UBE3C: variants seen among roughly 807,000 people sequenced by gnomAD.
UBE3C encodes ubiquitin-protein ligase E3C.
Under a neutral mutation model 129.4 loss-of-function variants are expected in UBE3C, and 42 were observed. That is an observed-to-expected ratio of 0.32 (90% CI 0.25 to 0.42). The LOEUF is 0.42. UBE3C is among the 10% of genes least tolerant of loss of function. The probability of loss-of-function intolerance (pLI) is 1.00; values close to 1 mark genes in which losing one functional copy is unlikely to be tolerated. For missense variants in UBE3C, 1,049 were observed against 1,319.1 expected (o/e 0.80, Z 3.17); for synonymous variants, 510 against 492.4 (o/e 1.04, Z -0.47).
chr7:157,256,927 A>T lies in UBE3C; in HGVS notation c.2964A>T (p.Ala988=). 6.2e-7 allele frequency: 1 copy of T among 1,614,184 alleles called. No homozygotes were observed. Among genetic ancestry groups the T allele is most frequent in the Non-Finnish European group, 8.5e-7 (1 of 1,180,012 alleles). The change falls in exon 22 of 23, where the codon GCA becomes GCT. Residue 988 remains alanine, a synonymous_variant. Transcript: ENST00000348165. The part of the protein sequence containing the change: ...SFTNYSGGYS[A]DHPVIKVFWR... ...ATTTTGCCATAGGAGGCTATTCTGC[A>T]GACCATCCTGTTATTAAGGTCTTCT... is the stretch of plus-strand genomic sequence containing the variant.
chr7:157,242,962 G>A (rs1327719545), intron 18 of UBE3C, among the ~76,000 whole-genome samples: 1 of 152,034 alleles, frequency 6.6e-6, no homozygotes, highest in Non-Finnish European at 1.5e-5. Flanking sequence ...GGCTGAGGTA[G>A]GAAAATCGCT....
chr7:157,140,429 G>A (rs1319201805), intron 1 of UBE3C, among the ~76,000 whole-genome samples: 1 of 152,186 alleles, frequency 6.6e-6, no homozygotes, highest in Admixed American at 6.5e-5. Context: ...TTCGTGTGAT[G>A]GTGATTGCTT....
chr7:157,223,262 G>C lies in UBE3C; in HGVS notation c.2011G>C (p.Glu671Gln), dbSNP rs201681513. ...TTTAAAATGTGTTTTAGTGGGTTTG[G>C]AGTCCCCGCCGCTGTCTGTGTCTGA... The part of the protein sequence containing the change: ...PLQSTLDVGL[E>Q]SPPLSVSEER... The change falls in exon 16 of 23, where the codon GAG becomes CAG. Residue 671 changes from glutamate to glutamine, a missense_variant. Coordinates refer to ENST00000348165, the MANE Select transcript of UBE3C (RefSeq NM_014671.3). The C allele has an allele frequency of 6.2e-7, 1 of 1,614,182 alleles. No homozygotes were observed. The highest frequency in any genetic ancestry group is 1.7e-5 in the Admixed American group (1 of 60,028).
In UBE3C at chr7:157,229,581, T is replaced by G. The variant is rs188302350; in HGVS notation, c.2234-1499T>G. Among the ~76,000 whole-genome samples, 524 of 152,268 alleles carry G rather than the reference T, an allele frequency of 3.4e-3. 5 individuals are homozygous for G. The highest frequency in any genetic ancestry group is 0.012 in the African/African-American group (498 of 41,566). On this transcript the variant is annotated intron_variant, in intron 17 of 22. Coordinates refer to ENST00000348165, the MANE Select transcript of UBE3C (RefSeq NM_014671.3). ...ACCCACCTGCCTTGGCCTCCCAAAGTGCTGGGATTACAGGCATGTGCCACT... is the reference window on the plus strand; with the variant it reads ...ACCCACCTGCCTTGGCCTCCCAAAGGGCTGGGATTACAGGCATGTGCCACT...
intron 4 of UBE3C, among the ~76,000 whole-genome samples, chr7:157,172,987 C>G (rs764597690): frequency 6.6e-6 from 1 of 152,186 alleles, no homozygotes; most frequent in Non-Finnish European, 1.5e-5. Flanking sequence ...ATTTGACTTT[C>G]GGCCTCGAGC....
chr7:157,144,174 TACAATCTGCCACACCG>T (rs1468584622), intron 1 of UBE3C, among the ~76,000 whole-genome samples: 2 of 152,224 alleles, frequency 1.3e-5, no homozygotes, highest in Admixed American at 1.3e-4. Flanking sequence ...GGCGCACGCC[TACAATCTGCCACACCG>T]AAGACTGAGG....
intron 4 of UBE3C, 47 bp from the exon 5 acceptor site, chr7:157,174,872 A>G: frequency 6.9e-7 from 1 of 1,453,452 alleles, no homozygotes. Flanking sequence ...TTAGCAAACT[A>G]TTAAATTTTC....
chr7:157,194,727 G>A (rs1326278814), intron 10 of UBE3C, among the ~76,000 whole-genome samples: 3 of 152,218 alleles, frequency 2.0e-5, no homozygotes, highest in African/African-American at 7.2e-5. Context: ...TGAGGAATAT[G>A]TTATTGGAAA....
At chr7:157,159,841 G>T (rs1808021144) in intron 1 of UBE3C, among the ~76,000 whole-genome samples, 1 of 152,140 alleles carries the variant, frequency 6.6e-6, no homozygotes, top group East Asian at 1.9e-4. Context: ...AATACCATTT[G>T]CTTGCCTGAT....
intron 13 of UBE3C, among the ~76,000 whole-genome samples, chr7:157,208,975 G>A (rs1053939555): frequency 1.3e-5 from 2 of 152,232 alleles, no homozygotes; most frequent in Admixed American, 6.5e-5. Context: ...TTCAGTTCGA[G>A]TCATCAGCTG....
chr7:157,200,013 GGCGTGTGA>G lies in UBE3C; in HGVS notation c.1332-1707_1332-1700del, dbSNP rs879284589. 2.0e-3 allele frequency among the ~76,000 whole-genome samples: 299 copies of G among 152,190 alleles called. 1 individual carries two copies. The highest frequency in any genetic ancestry group is 6.6e-3 in the African/African-American group (276 of 41,530). ...ATGCAGTGTGCCCCCACTTTGTCAT[GGCGTGTGA>G]CTGATAAACATCATGCATGTTTTCA... On this transcript the variant is annotated intron_variant, in intron 10 of 22. Transcript: ENST00000348165.
At chr7:157,196,989 C>CT (rs1228616885) in intron 10 of UBE3C, among the ~76,000 whole-genome samples, 4 of 152,092 alleles carry the variant, frequency 2.6e-5, no homozygotes, top group African/African-American at 9.7e-5. Flanking sequence ...AATTGCTGAA[C>CT]TTTATGTGTT....
At chr7:157,251,728 T>C (rs1796624765) in intron 19 of UBE3C, among the ~76,000 whole-genome samples, 1 of 152,238 alleles carries the variant, frequency 6.6e-6, no homozygotes, top group East Asian at 1.9e-4. Context: ...ATTTTAAATA[T>C]GTCCCTCAGA....
chr7:157,253,889 G>C (rs1181942728), intron 19 of UBE3C, 65 bp from the exon 20 acceptor site: 1 of 1,418,948 alleles, frequency 7.0e-7, no homozygotes, highest in Admixed American at 2.4e-5. Flanking sequence ...TTTGTTTCTT[G>C]CTTTTTTTTT....
intron 18 of UBE3C, among the ~76,000 whole-genome samples, chr7:157,243,098 CAT>C (rs1411315844): frequency 2.0e-5 from 3 of 152,086 alleles, no homozygotes; most frequent in Non-Finnish European, 4.4e-5. Context: ...CAAAATGTAT[CAT>C]ATTGTGGCTC....
intron 11 of UBE3C, among the ~76,000 whole-genome samples, chr7:157,204,163 C>T (rs1248561044): frequency 6.6e-6 from 1 of 152,130 alleles, no homozygotes; most frequent in East Asian, 1.9e-4. Flanking sequence ...CAGGCACCAT[C>T]TGTAAATGTC....
At chr7:157,223,441 C>A in intron 16 of UBE3C, 90 bp downstream of exon 16, 1 of 1,149,876 alleles carries the variant, frequency 8.7e-7, no homozygotes, top group Non-Finnish European at 1.2e-6. Context: ...CTAAAGGTGC[C>A]TAGTGCCTGG....
Position 157,256,990 on chromosome 7 carries a change from C to A in UBE3C, c.3027C>A (p.Arg1009=). ...VVEGFTDEEK[R]KLLKFVTSCS... ...AAGGGTTCACTGATGAAGAAAAGCGCAAACTGCTGAAGTTTGTAACAAGCT... is the reference window on the plus strand; with the variant it reads ...AAGGGTTCACTGATGAAGAAAAGCGAAAACTGCTGAAGTTTGTAACAAGCT... Residue 1009 remains arginine (R), a synonymous_variant, in exon 22 of 23, where the codon CGC becomes CGA. Transcript: ENST00000348165. The A allele has an allele frequency of 1.2e-6, 2 of 1,614,212 alleles. No homozygotes were observed. Among genetic ancestry groups the A allele is most frequent in the Non-Finnish European group, 1.7e-6 (2 of 1,180,042 alleles).
At chr7:157,245,263 T>A (rs879409435) in intron 18 of UBE3C, among the ~76,000 whole-genome samples, 2 of 152,248 alleles carry the variant, frequency 1.3e-5, no homozygotes, top group Non-Finnish European at 2.9e-5. Flanking sequence ...ACTGGTTTAT[T>A]GTTACTAATG....
Sources: gnomAD v4.1 joint callset for allele counts (sites outside exome capture counted in the v4.1 genomes callset) on GRCh38, gnomAD v4.1.1 for gene constraint, MANE v1.5 for transcripts, NCBI Gene and HGNC (gene_info 2026-07-23, HGNC 2026-07-21) for gene names.